Variants in MAN1A1 observed in about 807,000 individuals in gnomAD.
The protein encoded by MAN1A1 is mannosyl-oligosaccharide 1,2-alpha-mannosidase IA.
In MAN1A1, 29 loss-of-function variants were observed where a neutral mutation model predicts 70.8. The ratio of observed to expected loss-of-function variants is 0.41; its 90% CI spans 0.31 to 0.56. The LOEUF is 0.56. MAN1A1 is among the 20% of genes least tolerant of loss of function. The pLI, the probability that MAN1A1 is intolerant of heterozygous loss-of-function variation, is 0.29. For missense variants in MAN1A1, 747 were observed against 841.3 expected (o/e 0.89, Z 1.39); for synonymous variants, 349 against 330.1 (o/e 1.06, Z -0.62).
At chr6:119,307,686 T>C (rs949879272) in intron 2 of MAN1A1, among the ~76,000 whole-genome samples, 4 of 152,178 alleles carry the variant, frequency 2.6e-5, no homozygotes, top group African/African-American at 4.8e-5. Context: ...CCCTCTGCCA[T>C]AAATTAGTTG....
intron 5 of MAN1A1, among the ~76,000 whole-genome samples, chr6:119,267,182 T>A (rs2114366553): frequency 6.6e-6 from 1 of 152,284 alleles, no homozygotes; most frequent in East Asian, 1.9e-4. Flanking sequence ...AGTTTGGCAG[T>A]TACAAAACTA....
At chr6:119,244,621 A>G (rs1165216733) in intron 6 of MAN1A1, among the ~76,000 whole-genome samples, 3 of 152,110 alleles carry the variant, frequency 2.0e-5, no homozygotes, top group Admixed American at 2.0e-4. Flanking sequence ...TTCTCTGCAT[A>G]TATTCAGCTT....
intron 6 of MAN1A1, among the ~76,000 whole-genome samples, chr6:119,224,403 T>G (rs1186990068): frequency 1.3e-5 from 2 of 152,114 alleles, no homozygotes; most frequent in Admixed American, 6.5e-5. Context: ...GAATGCTAAA[T>G]TGCACAGGTA....
intron 5 of MAN1A1, chr6:119,269,567 T>C (rs1027958901): frequency 6.7e-5 from 13 of 193,718 alleles, no homozygotes; most frequent in East Asian, 1.5e-4. Flanking sequence ...TACTCCAACC[T>C]GTTTCTGTGG....
intron 6 of MAN1A1, among the ~76,000 whole-genome samples, chr6:119,223,552 A>G (rs1054266596): frequency 6.6e-6 from 1 of 152,162 alleles, no homozygotes; most frequent in African/African-American, 2.4e-5. Context: ...CCTAAAAATT[A>G]TAATTTTATC....
chr6:119,203,417 G>C (rs1773770435), intron 7 of MAN1A1, among the ~76,000 whole-genome samples: 1 of 152,112 alleles, frequency 6.6e-6, no homozygotes, highest in Non-Finnish European at 1.5e-5. Context: ...CCAGAGGTGA[G>C]GAGACAAAGG....
rs1449267070 is a variant in MAN1A1, at chr6:119,349,038, A to C, written c.28T>G (p.Phe10Val). Residue 10 changes from phenylalanine to valine, a missense_variant, in exon 2 of 13, where the codon TTC becomes GTC. Around this residue, in one of 2 missense-constraint regions of MAN1A1, gnomAD observed 328 missense variants for 293.1 expected, o/e 1.12. Coordinates refer to ENST00000368468, the MANE Select transcript of MAN1A1 (RefSeq NM_005907.4). ...AGGACGCCGCCCGCGGGGCTGCTGA[A>C]GAGCGGCAACAGGCCCCCCACGGGC... MPVGGLLPLFSSPAGGVLGG... is the reference protein window; with the variant it reads MPVGGLLPLVSSPAGGVLGG... The C allele has an allele frequency of 7.5e-7, 1 of 1,337,836 alleles. No individual in the cohort carries two copies. Among genetic ancestry groups the C allele is most frequent in the Non-Finnish European group, 9.6e-7 (1 of 1,041,400 alleles). The allele number at this position is 1,337,836 out of a possible 1,614,324, so 82.9% of individuals were successfully genotyped here. A position where few individuals can be genotyped will look rare whatever the true frequency, so the allele number is the denominator to read the frequency against.
intron 6 of MAN1A1, among the ~76,000 whole-genome samples, chr6:119,222,235 C>T (rs889955824): frequency 3.1e-4 from 47 of 150,532 alleles, no homozygotes; most frequent in African/African-American, 1.0e-3. Context: ...AAACGTATTA[C>T]GGATAATACT....
chr6:119,272,227 T>A (rs1453971771), intron 5 of MAN1A1, among the ~76,000 whole-genome samples: 8 of 152,052 alleles, frequency 5.3e-5, no homozygotes, highest in South Asian at 2.1e-4. Flanking sequence ...GTAAAGTGAG[T>A]CTAGATTTTG....
intron 6 of MAN1A1, among the ~76,000 whole-genome samples, chr6:119,226,811 C>T (rs374198937): frequency 4.6e-5 from 7 of 151,484 alleles, no homozygotes; most frequent in African/African-American, 1.7e-4. Flanking sequence ...GCTGGGATTA[C>T]AGGTGTGAGC....
chr6:119,238,407 T>C (rs1173901097), intron 6 of MAN1A1, among the ~76,000 whole-genome samples: 3 of 152,206 alleles, frequency 2.0e-5, no homozygotes, highest in Admixed American at 6.5e-5. Flanking sequence ...ACATACAAAT[T>C]CATACTACTT....
At chr6:119,253,312 C>T (rs1775375473) in intron 5 of MAN1A1, among the ~76,000 whole-genome samples, 1 of 152,136 alleles carries the variant, frequency 6.6e-6, no homozygotes, top group African/African-American at 2.4e-5. Flanking sequence ...CTGAGAAGTA[C>T]ACTCAGCAAA....
chr6:119,340,798 A>G (rs918607995), intron 2 of MAN1A1, among the ~76,000 whole-genome samples: 2 of 152,212 alleles, frequency 1.3e-5, no homozygotes, highest in African/African-American at 4.8e-5. Context: ...GACCCACATA[A>G]AAACATGAAC....
intron 4 of MAN1A1, among the ~76,000 whole-genome samples, chr6:119,299,997 G>A (rs1210925611): frequency 1.3e-5 from 2 of 152,134 alleles, no homozygotes; most frequent in African/African-American, 4.8e-5. Flanking sequence ...GGGCAACAAT[G>A]CTACAATTAC....
chr6:119,317,945 G>A (rs949946957), intron 2 of MAN1A1, among the ~76,000 whole-genome samples: 10 of 151,562 alleles, frequency 6.6e-5, no homozygotes, highest in Non-Finnish European at 1.3e-4. Flanking sequence ...TTATTAATAA[G>A]TGGAATATCC....
chr6:119,341,152 G>GT (rs942794889), intron 2 of MAN1A1, among the ~76,000 whole-genome samples: 2 of 151,860 alleles, frequency 1.3e-5, no homozygotes, highest in Non-Finnish European at 2.9e-5. Flanking sequence ...ATCTCATTTG[G>GT]TTTTTTTTCA....
chr6:119,338,224 C>T (rs1038672480), intron 2 of MAN1A1, among the ~76,000 whole-genome samples: 9 of 151,966 alleles, frequency 5.9e-5, no homozygotes, highest in Admixed American at 2.6e-4. Flanking sequence ...ATAGTTCTGG[C>T]GCTTGGCAGA....
intron 2 of MAN1A1, among the ~76,000 whole-genome samples, chr6:119,348,144 T>TAACC (rs1207579427): frequency 3.3e-5 from 5 of 152,182 alleles, no homozygotes; most frequent in African/African-American, 1.2e-4. Context: ...GTGGGGCGAT[T>TAACC]AACCGTGTAG....
At chr6:119,301,712 GAGTTGC>G (rs1772395116) in intron 4 of MAN1A1, among the ~76,000 whole-genome samples, 2 of 152,188 alleles carry the variant, frequency 1.3e-5, no homozygotes, top group South Asian at 4.1e-4. Context: ...CCATCTCATA[GAGTTGC>G]AGTGGGACTG....
Sources: allele counts gnomAD v4.1 joint callset (sites outside exome capture counted in the v4.1 genomes callset), GRCh38; gene constraint gnomAD v4.1.1; regional missense constraint gnomAD v4.1.1; transcripts MANE v1.5; gene names NCBI Gene and HGNC (gene_info 2026-07-23, HGNC 2026-07-21).